ANK3: variants seen among roughly 807,000 people sequenced by gnomAD.
ANK3 encodes ankyrin 3.
A neutral mutation model predicts 370.9 loss-of-function variants in ANK3; 57 were observed. The observed-to-expected ratio is 0.15, with a 90% CI of 0.12 to 0.19. The LOEUF (loss-of-function observed/expected upper bound fraction) is 0.19, where lower values mean the gene tolerates loss of function less well. ANK3 is among the 10% of genes least tolerant of loss of function. The pLI is 1.00. For missense variants in ANK3, 4,439 were observed against 5,302.1 expected (o/e 0.84, Z 5.06); for synonymous variants, 1,929 against 1,946.3 (o/e 0.99, Z 0.23).
chr10:60,339,825 A>G (rs2053844323), intron 1 of ANK3, among the ~76,000 whole-genome samples: 1 of 152,198 alleles, frequency 6.6e-6, no homozygotes, highest in African/African-American at 2.4e-5. Flanking sequence ...AGCGGTACTA[A>G]CTAGAATTTA....
chr10:60,309,644 A>G (rs563180017), intron 1 of ANK3, among the ~76,000 whole-genome samples: 1 of 152,334 alleles, frequency 6.6e-6, no homozygotes, highest in Admixed American at 6.5e-5. Context: ...GGTTGGAATA[A>G]CTTGCAATAG....
At chr10:60,158,677 C>CTCTTTTTCTTTT (rs1555028624) in intron 23 of ANK3, among the ~76,000 whole-genome samples, 10 of 49,278 alleles carry the variant, frequency 2.0e-4, no homozygotes, top group Admixed American at 1.5e-3. Context: ...AGAGAAAGCA[C>CTCTTTTTCTTTT]TTTTTTTCTT....
At chr10:60,501,650 A>G (rs1434064463) in intron 2 of ANK3, among the ~76,000 whole-genome samples, 1 of 151,346 alleles carries the variant, frequency 6.6e-6, no homozygotes, top group Non-Finnish European at 1.5e-5. Flanking sequence ...GGTTGCAGTG[A>G]ACCGAGATTG....
At chr10:60,155,748 C>G (rs376013280) in intron 23 of ANK3, among the ~76,000 whole-genome samples, 2 of 152,286 alleles carry the variant, frequency 1.3e-5, no homozygotes, top group African/African-American at 4.8e-5. Context: ...GGTAGAAGAA[C>G]ACAGAAAGGA....
Position 60,273,538 on chromosome 10 carries a change from T to C in ANK3, c.415-3309A>G, listed in dbSNP as rs1355557427. Among the ~76,000 whole-genome samples the C allele has an allele frequency of 2.0e-5, 3 of 152,176 alleles. No individual in the cohort carries two copies. In the South Asian group the frequency reaches 6.2e-4, roughly 32 times the overall value. On this transcript the variant is annotated intron_variant, in intron 4 of 43. Coordinates refer to ENST00000280772, the MANE Select transcript of ANK3 (RefSeq NM_020987.5). The stretch of plus-strand genomic sequence containing the variant: ...CTAGTAACCACTAATGCACTTTCTC[T>C]CTCTAGTTTTGCCTATTCTGGATAT...
chr10:60,433,741 T>A (rs1003169195), intron 2 of ANK3, among the ~76,000 whole-genome samples: 1 of 152,186 alleles, frequency 6.6e-6, no homozygotes, highest in African/African-American at 2.4e-5. Flanking sequence ...TTTTACAATA[T>A]TTTAGAAAAA....
At chr10:60,539,124 G>T (rs1379614754) in intron 2 of ANK3, among the ~76,000 whole-genome samples, 1 of 151,542 alleles carries the variant, frequency 6.6e-6, no homozygotes, top group Non-Finnish European at 1.5e-5. Context: ...CATAAAACAG[G>T]ATATGAGTAA....
At chr10:60,685,520 C>T (rs904841569) in intron 1 of ANK3, among the ~76,000 whole-genome samples, 1 of 152,172 alleles carries the variant, frequency 6.6e-6, no homozygotes, top group Non-Finnish European at 1.5e-5. Flanking sequence ...AAAGTACAGT[C>T]AAATTATTAG....
intron 2 of ANK3, among the ~76,000 whole-genome samples, chr10:60,486,976 T>G (rs921140388): frequency 4.6e-5 from 7 of 152,206 alleles, no homozygotes; most frequent in Non-Finnish European, 1.0e-4. Flanking sequence ...ACGCTATTTA[T>G]GCACAATGCT....
chr10:60,655,339 G>T (rs1241429012), intron 1 of ANK3, among the ~76,000 whole-genome samples: 2 of 151,918 alleles, frequency 1.3e-5, no homozygotes, highest in East Asian at 3.9e-4. Flanking sequence ...CCTTCCAGGG[G>T]GACAAATTGC....
intron 1 of ANK3, among the ~76,000 whole-genome samples, chr10:60,387,021 AGGGTG>A (rs2062458019): frequency 6.6e-6 from 1 of 152,068 alleles, no homozygotes; most frequent in Non-Finnish European, 1.5e-5. Context: ...TTAGCCGGGC[AGGGTG>A]GCGGGTGCCT....
At position 60,071,692 on chromosome 10, in the gene ANK3, A is replaced by T; in HGVS notation, c.9189T>A (p.Ser3063Arg). 1.3e-6 allele frequency: 2 copies of T among 1,599,682 alleles called. No homozygotes were observed. Among genetic ancestry groups the T allele is most frequent in the Non-Finnish European group, 1.7e-6 (2 of 1,174,892 alleles). Reference sequence around the variant, plus strand: ...CAATGGGACTGTGGTCGAATACATCACTAGAGGGAGATTCCTTTCCTGGGC... The same window carrying T: ...CAATGGGACTGTGGTCGAATACATCTCTAGAGGGAGATTCCTTTCCTGGGC... Reference protein sequence around the residue: ...EFSPGKESPSSDVFDHSPIDG... With the variant: ...EFSPGKESPSRDVFDHSPIDG... The change falls in exon 37 of 44, where the codon AGT becomes AGA. Residue 3063 changes from serine (S) to arginine (R), a missense_variant. Around this residue, in one of 13 missense-constraint regions of ANK3, gnomAD observed 1,601 missense variants for 1,731.7 expected, o/e 0.92. Transcript: ENST00000280772.
chr10:60,121,814 C>T (rs2093494171), intron 25 of ANK3, among the ~76,000 whole-genome samples: 1 of 151,812 alleles, frequency 6.6e-6, no homozygotes. Context: ...GTTTGTAGCA[C>T]AAAGGACAAA....
chr10:60,117,739 G>A lies in ANK3; in HGVS notation c.2842-3408C>T, dbSNP rs573822120. On this transcript the variant is annotated intron_variant, in intron 25 of 43. Coordinates refer to ENST00000280772, the MANE Select transcript of ANK3 (RefSeq NM_020987.5). The stretch of plus-strand genomic sequence containing the variant: ...TGAGGCAGGAGAATCGCCTGAACCC[G>A]GGAGGCGGAGGTTGCAGTGAGCCGA... Among the ~76,000 whole-genome samples, 12 of 152,218 alleles carry A rather than the reference G, an allele frequency of 7.9e-5. 1 individual carries two copies. Among genetic ancestry groups the A allele is most frequent in the African/African-American group, 2.6e-4 (11 of 41,546 alleles).
intron 7 of ANK3, among the ~76,000 whole-genome samples, chr10:60,250,305 A>G (rs1367346728): frequency 1.3e-5 from 2 of 152,238 alleles, no homozygotes; most frequent in Non-Finnish European, 2.9e-5. Context: ...GGCTGAGACA[A>G]ACTGGGAAAA....
chr10:60,044,308 T>C (rs2131872226), intron 42 of ANK3: 1 of 984,720 alleles, frequency 1.0e-6, no homozygotes, highest in East Asian at 1.1e-4. Context: ...AAATTGTTCT[T>C]CTGTGACAGA....
chr10:60,624,297 C>T (rs1365028927), intron 1 of ANK3, among the ~76,000 whole-genome samples: 2 of 152,060 alleles, frequency 1.3e-5, no homozygotes, highest in African/African-American at 4.8e-5. Flanking sequence ...TTAATACAGT[C>T]GATAAAGTAC....
At chr10:60,695,159 A>G (rs1349776641) in intron 1 of ANK3, among the ~76,000 whole-genome samples, 1 of 152,204 alleles carries the variant, frequency 6.6e-6, no homozygotes, top group East Asian at 1.9e-4. Flanking sequence ...GAAGTCCATT[A>G]CATAATGGTA....
chr10:60,035,002 G>C (rs926516123), intron 43 of ANK3, among the ~76,000 whole-genome samples: 2 of 137,252 alleles, frequency 1.5e-5, no homozygotes, highest in African/African-American at 2.9e-5. Flanking sequence ...TGATTAAAAA[G>C]TATCTTAAGT....
Sources: gnomAD v4.1 joint callset for allele counts (sites outside exome capture counted in the v4.1 genomes callset) on GRCh38, gnomAD v4.1.1 for gene constraint, gnomAD v4.1.1 regional missense constraint, MANE v1.5 for transcripts, NCBI Gene and HGNC (gene_info 2026-07-23, HGNC 2026-07-21) for gene names.